Variants in PHF24 observed in about 807,000 individuals in gnomAD.
PHF24 encodes the protein PHD finger protein 24, also known as Galpha inhibitory interacting protein.
PHF24 carries 25 observed loss-of-function variants against 42.6 expected under a neutral mutation model. That is an observed-to-expected ratio of 0.59 (90% CI 0.43 to 0.82). The LOEUF (loss-of-function observed/expected upper bound fraction) is 0.82. Ranked by LOEUF, PHF24 falls within the 40% of genes least tolerant of loss-of-function variation. The probability of loss-of-function intolerance (pLI) is 0.00; values close to 1 mark genes in which losing one functional copy is unlikely to be tolerated. For synonymous variants in PHF24, 185 were observed against 204.8 expected, an observed-to-expected ratio of 0.90 and a Z score of 0.83; for missense variants, 470 against 538.1, an observed-to-expected ratio of 0.87 and a Z score of 1.25.
the PHF24 span, among the ~76,000 whole-genome samples, chr9:34,670,963 C>A: frequency 2.2e-4 from 33 of 152,196 alleles, no homozygotes; most frequent in African/African-American, 6.5e-4. Context: ...ATCTGAGATC[C>A]ATTCCTCCCT....
At chr9:34,758,995 C>T in the PHF24 span, among the ~76,000 whole-genome samples, 1 of 152,130 alleles carries the variant, frequency 6.6e-6, no homozygotes, top group Admixed American at 6.5e-5. The surrounding 1 kb of genome is among the most constrained non-coding windows in gnomAD (Gnocchi z 4.4). Context: ...CGCATCTCCA[C>T]TCCCCCACTG....
Position 34,958,802 on chromosome 9 carries a change from C to G in PHF24, c.-5+401C>G, listed in dbSNP as rs1293577305. ...CCGCAGGAACCTCGAGGTGGTGGAGCCCCCAGAGGGCTCCCTAGAAAAGGA... is the reference window on the plus strand; with the variant it reads ...CCGCAGGAACCTCGAGGTGGTGGAGGCCCCAGAGGGCTCCCTAGAAAAGGA... On this transcript the variant is annotated intron_variant, in intron 1 of 7. Transcript: ENST00000242315. This position sits in a 1 kb window ranked among gnomAD's most constrained non-coding sequence, Gnocchi z 4.5. Among the ~76,000 whole-genome samples, 3 of 152,152 alleles carry G rather than the reference C, an allele frequency of 2.0e-5. No homozygotes were observed. The highest frequency in any genetic ancestry group is 4.4e-5 in the Non-Finnish European group (3 of 68,014).
At chr9:34,673,353 CAAAA>C in the PHF24 span, among the ~76,000 whole-genome samples, 1 of 147,260 alleles carries the variant, frequency 6.8e-6, no homozygotes. Flanking sequence ...GACTCTATTT[CAAAA>C]AAAAAAAAAA....
the PHF24 span, among the ~76,000 whole-genome samples, chr9:34,933,228 T>C: frequency 6.6e-6 from 1 of 152,208 alleles, no homozygotes; most frequent in African/African-American, 2.4e-5. Context: ...TAAACATGTG[T>C]ATGCATCTTT....
chr9:34,957,913 C>A (rs2132838222), upstream of PHF24, among the ~76,000 whole-genome samples: 1 of 151,888 alleles, frequency 6.6e-6, no homozygotes, highest in African/African-American at 2.4e-5. Context: ...CTCCTCCGGG[C>A]GGGCACTGTC....
chr9:34,905,714 ACATGCAT>A, the PHF24 span, among the ~76,000 whole-genome samples: 12 of 152,244 alleles, frequency 7.9e-5, no homozygotes, highest in Admixed American at 7.2e-4. Context: ...GCAGGAATCA[ACATGCAT>A]AAACTGCTGG....
the PHF24 span, among the ~76,000 whole-genome samples, chr9:34,921,794 T>A: frequency 4.6e-5 from 7 of 152,208 alleles, no homozygotes; most frequent in Non-Finnish European, 7.3e-5. Flanking sequence ...TTACTACACC[T>A]GTGACTGGAA....
chr9:34,855,698 C>T, the PHF24 span, among the ~76,000 whole-genome samples: 6 of 152,160 alleles, frequency 3.9e-5, no homozygotes, highest in Non-Finnish European at 5.9e-5. Context: ...CTTCTGGCTG[C>T]TCTTAGCATT....
the PHF24 span, chr9:34,666,215 TTATAGGTG>T: frequency 6.1e-6 from 1 of 164,200 alleles, no homozygotes; most frequent in Admixed American, 5.6e-5. Context: ...GGACCCTCTT[TTATAGGTG>T]TCAGGTCAGG....
At chr9:34,819,033 G>A in the PHF24 span, among the ~76,000 whole-genome samples, 1 of 152,150 alleles carries the variant, frequency 6.6e-6, no homozygotes, top group Middle Eastern at 3.4e-3. Flanking sequence ...AACTTTTATA[G>A]TTTATATCTT....
chr9:34,704,728 C>T, the PHF24 span, among the ~76,000 whole-genome samples: 2 of 152,046 alleles, frequency 1.3e-5, no homozygotes, highest in Non-Finnish European at 2.9e-5. Context: ...CCTACCTACT[C>T]AGGAGGCTGA....
At chr9:34,743,284 A>G in the PHF24 span, among the ~76,000 whole-genome samples, 3 of 152,258 alleles carry the variant, frequency 2.0e-5, no homozygotes, top group African/African-American at 7.2e-5. Context: ...AGTAAACTCT[A>G]TAAAGCACCT....
the PHF24 span, among the ~76,000 whole-genome samples, chr9:34,720,451 C>CA: frequency 0.3 from 9,959 of 33,642 alleles, 1,202 homozygotes; most frequent in African/African-American, 0.38. Context: ...GACTCCGTCT[C>CA]AAAAAAAAAA....
At chr9:34,908,879 ACGT>A in the PHF24 span, among the ~76,000 whole-genome samples, 1 of 132,084 alleles carries the variant, frequency 7.6e-6, no homozygotes. Context: ...ACAGAGTCTC[ACGT>A]CGTCGCCTGG....
chr9:34,841,761 G>A, the PHF24 span, among the ~76,000 whole-genome samples: 1 of 152,168 alleles, frequency 6.6e-6, no homozygotes. Context: ...CAGAGGCTGA[G>A]GCAGGAAAAT....
At chr9:34,765,812 T>C in the PHF24 span, among the ~76,000 whole-genome samples, 49 of 152,318 alleles carry the variant, frequency 3.2e-4, no homozygotes, top group East Asian at 8.9e-3. Context: ...TCTTTACAAT[T>C]TGGCATGATT....
the PHF24 span, among the ~76,000 whole-genome samples, chr9:34,826,732 GC>G: frequency 0.53 from 80,039 of 151,914 alleles, 21,945 homozygotes; most frequent in Non-Finnish European, 0.6. Flanking sequence ...GAAGGTTGGG[GC>G]CATTCACCAT....
At chr9:34,865,338 C>T in the PHF24 span, among the ~76,000 whole-genome samples, 3 of 107,108 alleles carry the variant, frequency 2.8e-5, no homozygotes, top group Admixed American at 9.1e-5. Context: ...CCAAGGTGGG[C>T]GGATCACCTG....
At chr9:34,670,527 C>T in the PHF24 span, among the ~76,000 whole-genome samples, 1 of 152,230 alleles carries the variant, frequency 6.6e-6, no homozygotes, top group Non-Finnish European at 1.5e-5. Flanking sequence ...ACTCTTTTCT[C>T]TTTCACAACT....
Sources: gnomAD v4.1 joint callset for allele counts (sites outside exome capture counted in the v4.1 genomes callset) on GRCh38, gnomAD v4.1.1 for gene constraint, Gnocchi (gnomAD v3.1) non-coding constraint, MANE v1.5 for transcripts, NCBI Gene and HGNC (gene_info 2026-07-23, HGNC 2026-07-21) for gene names.